The following NKAIN2 variants were observed in gnomAD, a reference collection of about 807,000 sequenced individuals.
NKAIN2 encodes sodium/potassium transporting ATPase interacting 2.
NKAIN2 carries 14 observed loss-of-function variants against 32.6 expected under a neutral mutation model. The ratio of observed to expected loss-of-function variants is 0.43; its 90% CI spans 0.28 to 0.67. NKAIN2 has a LOEUF of 0.67. NKAIN2 is among the 30% of genes least tolerant of loss of function. The probability of loss-of-function intolerance (pLI) is 0.17; values close to 1 mark genes in which losing one functional copy is unlikely to be tolerated. For missense variants in NKAIN2, 198 were observed against 258.3 expected, an observed-to-expected ratio of 0.77 and a Z score of 1.60; for synonymous variants, 80 against 87.2, an observed-to-expected ratio of 0.92 and a Z score of 0.46.
intron 1 of NKAIN2, among the ~76,000 whole-genome samples, chr6:124,094,275 A>G (rs1486223733): frequency 6.6e-6 from 1 of 152,112 alleles, no homozygotes; most frequent in Non-Finnish European, 1.5e-5. Context: ...TCATTTCCTC[A>G]TATAGAAAAA....
intron 1 of NKAIN2, among the ~76,000 whole-genome samples, chr6:123,974,729 G>C (rs11154202): frequency 1.6e-4 from 24 of 152,062 alleles, no homozygotes; most frequent in African/African-American, 5.8e-4. Flanking sequence ...GATCGAGCGT[G>C]TCAACGGGGA....
intron 3 of NKAIN2, among the ~76,000 whole-genome samples, chr6:124,446,894 TATG>T: frequency 6.6e-6 from 1 of 152,090 alleles, no homozygotes; most frequent in East Asian, 1.9e-4. Flanking sequence ...ATTAACACAT[TATG>T]ATGATGGTGG....
At chr6:124,020,850 A>T (rs1780829655) in intron 1 of NKAIN2, among the ~76,000 whole-genome samples, 1 of 152,152 alleles carries the variant, frequency 6.6e-6, no homozygotes, top group Non-Finnish European at 1.5e-5. Context: ...CTTTCAGTAA[A>T]CTTAAAGAAG....
chr6:124,485,198 T>C (rs1242798923), intron 3 of NKAIN2, among the ~76,000 whole-genome samples: 1 of 152,134 alleles, frequency 6.6e-6, no homozygotes, highest in Non-Finnish European at 1.5e-5. Flanking sequence ...TGGAAAGTTA[T>C]TAGAAATGCA....
intron 4 of NKAIN2, among the ~76,000 whole-genome samples, chr6:124,716,223 C>A (rs1392379621): frequency 6.6e-6 from 1 of 152,210 alleles, no homozygotes; most frequent in Non-Finnish European, 1.5e-5. Context: ...TTCCTCTCAG[C>A]TCTGTGCATG....
chr6:123,904,807 G>A (rs1238628595), intron 1 of NKAIN2, among the ~76,000 whole-genome samples: 1 of 152,190 alleles, frequency 6.6e-6, no homozygotes, highest in Non-Finnish European at 1.5e-5. Flanking sequence ...TCGCTTGGAT[G>A]TAAGCCTAGC....
At chr6:124,737,680 G>A (rs1777019899) in intron 4 of NKAIN2, among the ~76,000 whole-genome samples, 2 of 151,876 alleles carry the variant, frequency 1.3e-5, no homozygotes, top group Admixed American at 1.3e-4. Flanking sequence ...AAAGACGTGG[G>A]AAAGTTTGGA....
Position 124,818,299 on chromosome 6 carries a change from T to C in NKAIN2, c.536-88T>C, listed in dbSNP as rs1781254407. On this transcript the variant is annotated intron_variant, in intron 5 of 6. Coordinates refer to ENST00000368417, the MANE Select transcript of NKAIN2 (RefSeq NM_001040214.3). Reference sequence around the variant, plus strand: ...TAGAAGTTTAATAGATTATTACTAATAAAAGGTTTATTAGTAATCTGTGTG... The same window carrying C: ...TAGAAGTTTAATAGATTATTACTAACAAAAGGTTTATTAGTAATCTGTGTG... The C allele has an allele frequency of 1.9e-5, 11 of 565,276 alleles. No homozygotes were observed. In the South Asian group the frequency reaches 3.3e-4, roughly 17 times the overall value. The allele number at this position is 565,276 out of a possible 1,614,324, so 35.0% of individuals were successfully genotyped here.
At chr6:124,537,812 C>A (rs1779772850) in intron 3 of NKAIN2, among the ~76,000 whole-genome samples, 1 of 152,202 alleles carries the variant, frequency 6.6e-6, no homozygotes, top group East Asian at 1.9e-4. Flanking sequence ...GTAGTATGTG[C>A]TTTTATGCCA....
rs527697629 is a variant in NKAIN2 at position 124,602,893 on chromosome 6, T to G, written c.274-55293T>G. Among the ~76,000 whole-genome samples, 8 of 152,058 alleles carry G rather than the reference T, an allele frequency of 5.3e-5. No homozygotes were observed. The South Asian group carries it at 1.2e-3, about 24-fold the overall frequency. ...CATGACCTTATCTGCAATAATTGTT[T>G]GCTGCTGAAGATATTTGATCTAAAA... On this transcript the variant is annotated intron_variant, in intron 3 of 6. Coordinates refer to ENST00000368417, the MANE Select transcript of NKAIN2 (RefSeq NM_001040214.3).
chr6:123,955,872 C>T (rs931918902), intron 1 of NKAIN2, among the ~76,000 whole-genome samples: 1 of 152,110 alleles, frequency 6.6e-6, no homozygotes, highest in Non-Finnish European at 1.5e-5. Flanking sequence ...CAGCAGTCCT[C>T]CTGCCTTGGC....
intron 3 of NKAIN2, among the ~76,000 whole-genome samples, chr6:124,477,368 G>A (rs1031538820): frequency 1.4e-4 from 22 of 152,192 alleles, no homozygotes; most frequent in African/African-American, 5.3e-4. Context: ...AGGGAGATGG[G>A]CCATCTGCTC....
intron 3 of NKAIN2, among the ~76,000 whole-genome samples, chr6:124,423,840 A>G (rs1774860998): frequency 6.6e-6 from 1 of 152,200 alleles, no homozygotes; most frequent in South Asian, 2.1e-4. Context: ...TCTTTGAGAT[A>G]CTGACTTCCT....
intron 4 of NKAIN2, among the ~76,000 whole-genome samples, chr6:124,779,815 T>C (rs924009288): frequency 6.6e-5 from 10 of 152,274 alleles, no homozygotes; most frequent in Admixed American, 2.6e-4. Context: ...CATAGACTCA[T>C]GAGTGAGCCC....
intron 2 of NKAIN2, among the ~76,000 whole-genome samples, chr6:124,311,575 G>A (rs1242698990): frequency 2.6e-5 from 4 of 152,074 alleles, no homozygotes; most frequent in Non-Finnish European, 4.4e-5. Context: ...CATCTACTAC[G>A]TTTACTTATG....
chr6:123,879,749 T>A (rs1773363262), intron 1 of NKAIN2, among the ~76,000 whole-genome samples: 1 of 152,224 alleles, frequency 6.6e-6, no homozygotes, highest in Non-Finnish European at 1.5e-5. Flanking sequence ...ACATGGCTGT[T>A]TCCAGTGTAC....
At chr6:124,237,094 T>A (rs887635277) in intron 1 of NKAIN2, among the ~76,000 whole-genome samples, 2 of 152,116 alleles carry the variant, frequency 1.3e-5, no homozygotes, top group Admixed American at 1.3e-4. Context: ...TGAGACATAC[T>A]ATGGAAAGAC....
intron 3 of NKAIN2, among the ~76,000 whole-genome samples, chr6:124,376,809 C>T (rs987928050): frequency 6.6e-6 from 1 of 152,056 alleles, no homozygotes; most frequent in African/African-American, 2.4e-5. Flanking sequence ...GGAAAAATGA[C>T]ATAAAAATCC....
chr6:123,908,694 G>A (rs536898024), intron 1 of NKAIN2, among the ~76,000 whole-genome samples: 4 of 152,230 alleles, frequency 2.6e-5, no homozygotes, highest in Non-Finnish European at 2.9e-5. Context: ...TCCCACTTAC[G>A]TACTGTTTAT....
Sources: allele counts gnomAD v4.1 joint callset (sites outside exome capture counted in the v4.1 genomes callset), GRCh38; gene constraint gnomAD v4.1.1; transcripts MANE v1.5; gene names NCBI Gene and HGNC (gene_info 2026-07-23, HGNC 2026-07-21).